Variants in ARHGEF33 observed in about 807,000 individuals in gnomAD.
ARHGEF33 encodes DH and coiled-coil domain-containing protein ENSP00000381780.
ARHGEF33 carries 72 observed loss-of-function variants against 101.9 expected under a neutral mutation model. That is an observed-to-expected ratio of 0.71 (90% CI 0.58 to 0.86). The LOEUF (loss-of-function observed/expected upper bound fraction) is 0.86. Ranked by LOEUF, ARHGEF33 falls within the 40% of genes least tolerant of loss-of-function variation. The pLI is 0.00. For synonymous variants in ARHGEF33, 499 were observed against 442.5 expected, an observed-to-expected ratio of 1.13 and a Z score of -1.60; for missense variants, 1,169 against 1,111.3, an observed-to-expected ratio of 1.05 and a Z score of -0.74.
chr2:38,897,238 A>C (rs902031838), intron 2 of ARHGEF33, among the ~76,000 whole-genome samples: 13 of 152,164 alleles, frequency 8.5e-5, no homozygotes, highest in African/African-American at 3.1e-4. Flanking sequence ...TTCATAGTAC[A>C]CTCGGCAAGA....
intron 4 of ARHGEF33, among the ~76,000 whole-genome samples, chr2:38,926,897 A>T (rs550667745): frequency 2.0e-5 from 3 of 152,014 alleles, no homozygotes; most frequent in African/African-American, 7.2e-5. Context: ...AAACTCGCAT[A>T]CATTTTTGAT....
chr2:38,901,454 G>A (rs890400202), intron 2 of ARHGEF33, among the ~76,000 whole-genome samples: 1 of 152,206 alleles, frequency 6.6e-6, no homozygotes, highest in South Asian at 2.1e-4. Context: ...GAGGGCTGCA[G>A]CAGTAACCAG....
chr2:38,949,090 G>A (rs776333593), intron 10 of ARHGEF33, among the ~76,000 whole-genome samples: 1 of 152,068 alleles, frequency 6.6e-6, no homozygotes, highest in Admixed American at 6.6e-5. Flanking sequence ...TCGTGTTTGT[G>A]TGTCTCCTCT....
chr2:38,898,163 T>A (rs756211625), intron 2 of ARHGEF33, among the ~76,000 whole-genome samples: 12 of 152,346 alleles, frequency 7.9e-5, no homozygotes, highest in Non-Finnish European at 1.5e-4. Context: ...ACGAGACCAC[T>A]TGATTCTGAT....
At chr2:38,962,614 TA>T (rs1412440350) in intron 16 of ARHGEF33, among the ~76,000 whole-genome samples, 12 of 152,134 alleles carry the variant, frequency 7.9e-5, no homozygotes, top group Non-Finnish European at 4.4e-5. Flanking sequence ...GGAAGTCAGT[TA>T]AAAGAGGCAT....
chr2:38,951,089 G>C lies in ARHGEF33; in HGVS notation c.1021G>C (p.Gly341Arg). Reference sequence around the variant, plus strand: ...GAAGTGGCCACGCCAAGGCGTTCTTGGAGATTTATTCCTTAAGTTAACAAA... The same window carrying C: ...GAAGTGGCCACGCCAAGGCGTTCTTCGAGATTTATTCCTTAAGTTAACAAA... ...VLKWPRQGVL[G>R]DLFLKLTNDE... Residue 341 changes from glycine to arginine, a missense_variant, in exon 11 of 18, where the codon GGA (glycine) becomes CGA (arginine). Transcript: ENST00000409978. 1.3e-6 allele frequency: 2 copies of C among 1,551,832 alleles called. No homozygotes were observed. The highest frequency in any genetic ancestry group is 1.7e-6 in the Non-Finnish European group (2 of 1,146,996).
chr2:38,942,164 C>CTTTTTTTTTTTT, intron 9 of ARHGEF33, among the ~76,000 whole-genome samples: 1 of 107,332 alleles, frequency 9.3e-6, no homozygotes. Context: ...TCTCTCCTTT[C>CTTTTTTTTTTTT]TTTTTTTTTT....
intron 11 of ARHGEF33, 37 bp from the exon 12 acceptor site, chr2:38,953,125 C>G: frequency 1.1e-6 from 1 of 947,604 alleles, no homozygotes; most frequent in South Asian, 1.4e-5. Flanking sequence ...ATCCTGTTTT[C>G]AGGTTCTTAC....
At chr2:38,919,777 G>GAAATTGTCTAAATAATCTACTC (rs1666714467) in intron 3 of ARHGEF33, among the ~76,000 whole-genome samples, 1 of 152,200 alleles carries the variant, frequency 6.6e-6, no homozygotes, top group Non-Finnish European at 1.5e-5. Flanking sequence ...GACTAGCCTA[G>GAAATTGTCTAAATAATCTACTC]AAGCATAAAT....
Position 38,951,137 on chromosome 2 carries a change from C to G in ARHGEF33, c.1053+16C>G, listed in dbSNP as rs1270981029. The G allele has an allele frequency of 5.2e-6, 8 of 1,549,796 alleles. No individual in the cohort carries two copies. In the East Asian group the frequency reaches 1.7e-4, roughly 33 times the overall value. On this transcript the variant is annotated intron_variant, in intron 11 of 17. Transcript: ENST00000409978. ...AAATGACGAGGTAAGGTTTTTTCTGCCCCTCTATACATTTTACTTATACGG... is the reference window on the plus strand; with the variant it reads ...AAATGACGAGGTAAGGTTTTTTCTGGCCCTCTATACATTTTACTTATACGG...
Position 38,960,114 on chromosome 2 carries a change from C to G in ARHGEF33, c.1809C>G (p.Pro603=), listed in dbSNP as rs1422596130. 6.5e-7 allele frequency: 1 copy of G among 1,542,240 alleles called. No individual in the cohort carries two copies. The change falls in exon 16 of 18, where the codon CCC becomes CCG. Residue 603 remains proline, a synonymous_variant. Transcript: ENST00000409978. The part of the protein sequence containing the change: ...RSLRAPAELL[P]DARGFVPAAY... The stretch of plus-strand genomic sequence containing the variant: ...TGCGCGCCCCGGCCGAGCTCCTGCC[C>G]GATGCCCGCGGCTTCGTGCCCGCGG...
intron 2 of ARHGEF33, among the ~76,000 whole-genome samples, chr2:38,913,336 T>C (rs1188667694): frequency 6.6e-6 from 1 of 152,220 alleles, no homozygotes; most frequent in East Asian, 1.9e-4. Context: ...TCAAATGGTT[T>C]CATAGCTCTG....
At chr2:38,931,437 A>AT in intron 7 of ARHGEF33, 186 bp downstream of exon 7, 1 of 518,302 alleles carries the variant, frequency 1.9e-6, no homozygotes, top group Non-Finnish European at 3.3e-6. Flanking sequence ...CCAGTTTTAA[A>AT]TATTTTTTTT....
chr2:38,963,913 G>A (rs946231862), intron 16 of ARHGEF33, among the ~76,000 whole-genome samples: 3 of 152,076 alleles, frequency 2.0e-5, no homozygotes, highest in African/African-American at 7.2e-5. Flanking sequence ...AGGGGGAGGT[G>A]GTTTTGAGAT....
At chr2:38,938,036 A>AT (rs1667195140) in intron 9 of ARHGEF33, among the ~76,000 whole-genome samples, 1 of 152,116 alleles carries the variant, frequency 6.6e-6, no homozygotes, top group South Asian at 2.1e-4. Flanking sequence ...GGGGGAGGTA[A>AT]TTTTTAAAAA....
chr2:38,954,921 G>A lies in ARHGEF33; in HGVS notation c.1221+465G>A, dbSNP rs7580984. Reference sequence around the variant, plus strand: ...AGTGGTGGGATTACAGGTGTGAGCCGCTGCAGCCAGCCTAAAATCTTTATT... The same window carrying A: ...AGTGGTGGGATTACAGGTGTGAGCCACTGCAGCCAGCCTAAAATCTTTATT... On this transcript the variant is annotated intron_variant, in intron 13 of 17. Transcript: ENST00000409978. Among the ~76,000 whole-genome samples, 40 of 152,142 alleles carry A rather than the reference G, an allele frequency of 2.6e-4. 1 individual carries two copies. In the East Asian group the frequency reaches 5.2e-3, roughly 20 times the overall value.
intron 4 of ARHGEF33, among the ~76,000 whole-genome samples, chr2:38,925,399 C>G (rs1006187955): frequency 6.6e-6 from 1 of 152,170 alleles, no homozygotes; most frequent in African/African-American, 2.4e-5. Flanking sequence ...GACTAAGTCT[C>G]TTTTTGCCAT....
rs1356468544 is a variant in ARHGEF33, at chr2:38,953,261, A to G, written c.1137+16A>G. ...CCTGAAAGAGGTGAGTTAACGCCAT[A>G]TATATGCTATCCTTCATCTGCACAT... is the stretch of plus-strand genomic sequence containing the variant. On this transcript the variant is annotated intron_variant, in intron 12 of 17. Coordinates refer to ENST00000409978, the MANE Select transcript of ARHGEF33 (RefSeq NM_001145451.5). The G allele has an allele frequency of 3.6e-6, 5 of 1,384,016 alleles. No homozygotes were observed. In the South Asian group the frequency reaches 3.7e-5, roughly 10 times the overall value. 85.7% of individuals were successfully genotyped at this position (1,384,016 alleles called of 1,614,324 possible). A position where few individuals can be genotyped will look rare whatever the true frequency, so the allele number is the denominator to read the frequency against.
chr2:38,936,698 G>A (rs1171157207), intron 8 of ARHGEF33, among the ~76,000 whole-genome samples: 3 of 152,010 alleles, frequency 2.0e-5, no homozygotes, highest in Admixed American at 6.5e-5. Flanking sequence ...CAACAAGGCC[G>A]GGCATGGTGG....
Sources: allele counts gnomAD v4.1 joint callset (sites outside exome capture counted in the v4.1 genomes callset), GRCh38; gene constraint gnomAD v4.1.1; transcripts MANE v1.5; gene names NCBI Gene and HGNC (gene_info 2026-07-23, HGNC 2026-07-21).